CPEB3: variants seen among roughly 807,000 people sequenced by gnomAD.
CPEB3 encodes cytoplasmic polyadenylation element-binding protein 3.
CPEB3 carries 20 observed loss-of-function variants against 67.2 expected under a neutral mutation model. The observed-to-expected ratio is 0.30, with a 90% CI of 0.21 to 0.43. The LOEUF is 0.43. Ranked by LOEUF, CPEB3 falls within the 20% of genes least tolerant of loss-of-function variation. The probability of loss-of-function intolerance (pLI) is 1.00; values close to 1 mark genes in which losing one functional copy is unlikely to be tolerated. For missense variants in CPEB3, 746 were observed against 968.6 expected (o/e 0.77, Z 3.05); for synonymous variants, 376 against 393.1 (o/e 0.96, Z 0.51).
chr10:92,159,853 C>T (rs1474243026), intron 4 of CPEB3, among the ~76,000 whole-genome samples: 1 of 152,186 alleles, frequency 6.6e-6, no homozygotes, highest in African/African-American at 2.4e-5. Flanking sequence ...TCTTCACTTT[C>T]CCACTACTCA....
intron 7 of CPEB3, among the ~76,000 whole-genome samples, chr10:92,093,505 A>G (rs1364089263): frequency 6.6e-6 from 1 of 150,480 alleles, no homozygotes; most frequent in Non-Finnish European, 1.5e-5. Flanking sequence ...AACAGTCTAC[A>G]CTTTTTTTTT....
At chr10:92,127,863 C>T (rs1845672734) in intron 6 of CPEB3, among the ~76,000 whole-genome samples, 1 of 152,110 alleles carries the variant, frequency 6.6e-6, no homozygotes, top group Non-Finnish European at 1.5e-5. Context: ...CAGATGAGAC[C>T]TAAGAGGAAA....
intron 8 of CPEB3, among the ~76,000 whole-genome samples, chr10:92,082,335 A>C (rs1268904289): frequency 1.3e-5 from 2 of 152,080 alleles, no homozygotes; most frequent in Non-Finnish European, 2.9e-5. Context: ...CCCAGGCTGG[A>C]GTGCAGTGGT....
rs1220479568 is a variant in CPEB3, at chr10:92,240,072, A to AGGC, written c.276_278dup (p.Pro93dup). On this transcript the variant is annotated inframe_insertion, in exon 2 of 10. Transcript: ENST00000265997. ...ACGCGCCCGGTGCCGCGGGCTCCTG[A>AGGC]GGCGGCGGCGGCTGCTGAGGAGGCT... is the stretch of plus-strand genomic sequence containing the variant. 8.8e-6 allele frequency: 14 copies of AGGC among 1,588,888 alleles called. No homozygotes were observed. Among genetic ancestry groups the AGGC allele is most frequent in the East Asian group, 2.3e-5 (1 of 43,798 alleles).
intron 6 of CPEB3, among the ~76,000 whole-genome samples, chr10:92,125,498 A>T (rs961955203): frequency 9.2e-5 from 14 of 152,160 alleles, no homozygotes; most frequent in African/African-American, 3.1e-4. Context: ...TCCCACTATG[A>T]GAGGTGAGGC....
At chr10:92,269,829 A>G (rs1291243788) in intron 1 of CPEB3, among the ~76,000 whole-genome samples, 1 of 152,100 alleles carries the variant, frequency 6.6e-6, no homozygotes, top group Non-Finnish European at 1.5e-5. Context: ...AAGTGCTGGG[A>G]TTATAGGCAT....
intron 9 of CPEB3, among the ~76,000 whole-genome samples, chr10:92,070,717 C>A (rs558546314): frequency 1.3e-5 from 2 of 152,078 alleles, no homozygotes; most frequent in South Asian, 4.2e-4. Flanking sequence ...GTGGAGATTG[C>A]AGTGAGCCAA....
chr10:92,119,473 C>T (rs1171370935), intron 6 of CPEB3, among the ~76,000 whole-genome samples: 6 of 152,164 alleles, frequency 3.9e-5, no homozygotes, highest in Admixed American at 3.9e-4. Flanking sequence ...CAAAGGTCAG[C>T]TTTTGGTTCC....
At chr10:92,218,913 T>C (rs1850566677) in intron 2 of CPEB3, among the ~76,000 whole-genome samples, 1 of 152,050 alleles carries the variant, frequency 6.6e-6, no homozygotes, top group South Asian at 2.1e-4. Flanking sequence ...TTCCTAAGGC[T>C]CAGGTGAACA....
At chr10:92,223,125 T>TA (rs1850781523) in intron 2 of CPEB3, among the ~76,000 whole-genome samples, 1 of 152,198 alleles carries the variant, frequency 6.6e-6, no homozygotes, top group Non-Finnish European at 1.5e-5. Flanking sequence ...ACTAATCAAC[T>TA]AATACATCCT....
intron 6 of CPEB3, among the ~76,000 whole-genome samples, chr10:92,124,023 T>C (rs1845507030): frequency 6.6e-6 from 1 of 152,210 alleles, no homozygotes; most frequent in African/African-American, 2.4e-5. Context: ...CTATATCCTC[T>C]TCTAAAACAT....
intron 2 of CPEB3, among the ~76,000 whole-genome samples, chr10:92,221,825 G>C (rs61875222): frequency 1.3e-5 from 2 of 152,118 alleles, no homozygotes; most frequent in Non-Finnish European, 2.9e-5. Flanking sequence ...TCTTAAAAGA[G>C]GGAGAGAGAG....
intron 1 of CPEB3, among the ~76,000 whole-genome samples, chr10:92,270,559 CTTTTTTT>C (rs571582158): frequency 1.4e-4 from 17 of 124,870 alleles, no homozygotes; most frequent in African/African-American, 3.6e-4. Context: ...TTTTATATTA[CTTTTTTT>C]TTTTTTTTTT....
intron 2 of CPEB3, among the ~76,000 whole-genome samples, chr10:92,227,375 A>G (rs1851027972): frequency 1.3e-5 from 2 of 152,202 alleles, no homozygotes; most frequent in Non-Finnish European, 2.9e-5. Flanking sequence ...GAGGACATCA[A>G]AATAATACAA....
chr10:92,181,232 A>C (rs1246337065), intron 3 of CPEB3, among the ~76,000 whole-genome samples: 1 of 151,946 alleles, frequency 6.6e-6, no homozygotes, highest in Non-Finnish European at 1.5e-5. Flanking sequence ...TAAATAAAAA[A>C]AAACAAAAAA....
rs1446976443 is a variant in CPEB3 at position 92,049,394 on chromosome 10, C to T, written c.*2818G>A. The T allele has an allele frequency of 2.0e-5, 3 of 152,372 alleles. No individual in the cohort carries two copies. In the East Asian group the frequency reaches 5.8e-4, roughly 29 times the overall value. 9.4% of individuals were successfully genotyped at this position (152,372 alleles called of 1,614,324 possible). A position where few individuals can be genotyped will look rare whatever the true frequency, so the allele number is the denominator to read the frequency against. On this transcript the variant is annotated 3_prime_UTR_variant, in exon 10 of 10. Transcript: ENST00000265997. ...CCCAGTCAAGTTGCAGGTCAGAACA[C>T]CTCTGTGTTTTAAAAAATAATTTTT...
At chr10:92,258,628 ATATATATATATATATATATATAT>A (rs1173232080) in intron 1 of CPEB3, among the ~76,000 whole-genome samples, 25,952 of 84,188 alleles carry the variant, frequency 0.31, 4,406 homozygotes, top group Middle Eastern at 0.4. Context: ...TTTTTTGAAT[ATATATATATATATATATATATAT>A]ATATATATAT....
chr10:92,086,485 C>G (rs760232855), intron 8 of CPEB3, among the ~76,000 whole-genome samples: 2 of 152,224 alleles, frequency 1.3e-5, no homozygotes, highest in Admixed American at 6.5e-5. Flanking sequence ...GACAACATCT[C>G]AGATCTCAGC....
At chr10:92,110,931 C>T (rs977159653) in intron 7 of CPEB3, 145 bp downstream of exon 7, 2 of 694,372 alleles carry the variant, frequency 2.9e-6, no homozygotes, top group East Asian at 2.5e-5. Flanking sequence ...CCATCACCAA[C>T]GAAAGTCCAA....
Sources: gnomAD v4.1 joint callset for allele counts (sites outside exome capture counted in the v4.1 genomes callset) on GRCh38, gnomAD v4.1.1 for gene constraint, MANE v1.5 for transcripts, NCBI Gene and HGNC (gene_info 2026-07-23, HGNC 2026-07-21) for gene names.